PIK3C3: variants seen among roughly 807,000 people sequenced by gnomAD.
The protein encoded by PIK3C3 is PI3-kinase type 3.
PIK3C3 carries 95 observed loss-of-function variants against 126.1 expected under a neutral mutation model. The ratio of observed to expected loss-of-function variants is 0.75; its 90% CI spans 0.64 to 0.89. PIK3C3 has a LOEUF of 0.89. Among genes scored for constraint, PIK3C3 ranks in the 40% least tolerant of loss-of-function variants. The pLI is 0.00. For missense variants in PIK3C3, 829 were observed against 1,063.2 expected, an observed-to-expected ratio of 0.78 and a Z score of 3.06; for synonymous variants, 374 against 360.0, an observed-to-expected ratio of 1.04 and a Z score of -0.44.
chr18:41,982,956 G>T (rs1001418851), intron 4 of PIK3C3, among the ~76,000 whole-genome samples: 1 of 151,936 alleles, frequency 6.6e-6, no homozygotes, highest in Non-Finnish European at 1.5e-5. Flanking sequence ...ATTGATTTCA[G>T]CAGTCTTCTA....
At chr18:42,012,895 A>G (rs1479363126) in intron 10 of PIK3C3, among the ~76,000 whole-genome samples, 2 of 152,132 alleles carry the variant, frequency 1.3e-5, no homozygotes, top group Admixed American at 6.6e-5. Flanking sequence ...AAGCAATCCA[A>G]ATTCTCTAAA....
chr18:42,005,254 A>C (rs1982488194), intron 10 of PIK3C3, among the ~76,000 whole-genome samples: 1 of 152,212 alleles, frequency 6.6e-6, no homozygotes, highest in Non-Finnish European at 1.5e-5. Context: ...CCTAGGTTAC[A>C]AACCTGTATA....
At chr18:41,968,785 C>T (rs1038131330) in intron 3 of PIK3C3, among the ~76,000 whole-genome samples, 1 of 151,550 alleles carries the variant, frequency 6.6e-6, no homozygotes, top group Admixed American at 6.6e-5. Context: ...TTATGTAAAC[C>T]GTTAGCAGTT....
chr18:42,080,100 C>T, intron 24 of PIK3C3, among the ~76,000 whole-genome samples: 1 of 152,010 alleles, frequency 6.6e-6, no homozygotes, highest in East Asian at 1.9e-4. Context: ...GAATCTGAGA[C>T]ACTTCCTGGC....
intron 10 of PIK3C3, among the ~76,000 whole-genome samples, chr18:42,006,610 CA>C (rs1228952946): frequency 1.3e-5 from 2 of 151,728 alleles, no homozygotes; most frequent in Non-Finnish European, 2.9e-5. Context: ...TTAGGAATAA[CA>C]AAAAAAATTT....
chr18:42,084,822 T>C lies in PIK3C3; in HGVS notation c.*3685T>C, dbSNP rs1488504705. 2.0e-5 allele frequency: 3 copies of C among 152,206 alleles called. No homozygotes were observed. The highest frequency in any genetic ancestry group is 7.2e-5 in the African/African-American group (3 of 41,442). The allele number at this position is 152,206 out of a possible 1,614,324, so 9.4% of individuals were successfully genotyped here. On this transcript the variant is annotated 3_prime_UTR_variant, in exon 25 of 25. Coordinates refer to ENST00000262039, the MANE Select transcript of PIK3C3 (RefSeq NM_002647.4). ...CAATCCCCACTCCTGAGCAGCCAAA[T>C]CAATCTGCAGGTGGGCCTTGTGAGT...
At chr18:42,079,979 G>GTGTA (rs1555644075) in intron 24 of PIK3C3, among the ~76,000 whole-genome samples, 2 of 118,638 alleles carry the variant, frequency 1.7e-5, no homozygotes, top group Non-Finnish European at 3.8e-5. Context: ...GTGTGTGTGT[G>GTGTA]TGTGTATGTA....
intron 4 of PIK3C3, among the ~76,000 whole-genome samples, chr18:41,977,948 TTTTG>T (rs911833630): frequency 1.3e-5 from 2 of 152,076 alleles, no homozygotes; most frequent in South Asian, 2.1e-4. Context: ...TAGACCAATT[TTTTG>T]TTTGTTTTTG....
At chr18:42,037,495 C>T (rs996837841) in intron 16 of PIK3C3, among the ~76,000 whole-genome samples, 197 bp from the exon 17 acceptor site, 2 of 152,210 alleles carry the variant, frequency 1.3e-5, no homozygotes, top group Non-Finnish European at 2.9e-5. Flanking sequence ...CGCTTTCCAT[C>T]GTGTAGTCTT....
Position 42,054,126 on chromosome 18 carries a change from G to GTATATCTATATCTA in PIK3C3, c.2264-3752_2264-3751insCTATATCTATATAT, listed in dbSNP as rs1473971394. Reference sequence around the variant, plus strand: ...GTTCTCTAGAGGGACAGAACTAATGGTATATATATATATATATATATATAT... The same window carrying GTATATCTATATCTA: ...GTTCTCTAGAGGGACAGAACTAATGGTATATCTATATCTATATATATATATATATATATATATAT... On this transcript the variant is annotated intron_variant, in intron 21 of 24. Coordinates refer to ENST00000262039, the MANE Select transcript of PIK3C3 (RefSeq NM_002647.4). Among the ~76,000 whole-genome samples the GTATATCTATATCTA allele has an allele frequency of 2.9e-5, 2 of 69,652 alleles. 1 individual carries two copies. The highest frequency in any genetic ancestry group is 5.7e-5 in the Non-Finnish European group (2 of 35,322). 45.7% of individuals were successfully genotyped at this position (69,652 alleles called of 152,430 possible).
intron 17 of PIK3C3, among the ~76,000 whole-genome samples, chr18:42,038,146 A>G (rs1598919698): frequency 6.6e-6 from 1 of 152,108 alleles, no homozygotes; most frequent in East Asian, 1.9e-4. Context: ...TGTCCCTGGC[A>G]TTAAAAAGTA....
intron 10 of PIK3C3, among the ~76,000 whole-genome samples, chr18:42,011,751 C>T (rs994873388): frequency 6.6e-6 from 1 of 152,196 alleles, no homozygotes; most frequent in African/African-American, 2.4e-5. Flanking sequence ...CTTCACTAAG[C>T]TTAATCATTT....
intron 15 of PIK3C3, among the ~76,000 whole-genome samples, chr18:42,033,283 GAA>G (rs1243919514): frequency 6.6e-6 from 1 of 152,166 alleles, no homozygotes; most frequent in Non-Finnish European, 1.5e-5. Flanking sequence ...ATGAGCTGAA[GAA>G]AATGAATGAT....
rs1354144697 is a variant in PIK3C3 at position 42,085,000 on chromosome 18, G to A, written c.*3863G>A. On this transcript the variant is annotated 3_prime_UTR_variant, in exon 25 of 25. Transcript: ENST00000262039. Reference sequence around the variant, plus strand: ...GAAGATAAATTTGAGGCTCTGTTACGCTGGTCATCCAACCCAACCAGGTAT... The same window carrying A: ...GAAGATAAATTTGAGGCTCTGTTACACTGGTCATCCAACCCAACCAGGTAT... 4 of 152,200 alleles carry A rather than the reference G, an allele frequency of 2.6e-5. No individual in the cohort carries two copies. Among genetic ancestry groups the A allele is most frequent in the African/African-American group, 9.7e-5 (4 of 41,440 alleles). The allele number at this position is 152,200 out of a possible 1,614,324, so 9.4% of individuals were successfully genotyped here.
chr18:42,020,551 A>C, intron 12 of PIK3C3, 87 bp from the exon 13 acceptor site: 1 of 813,124 alleles, frequency 1.2e-6, no homozygotes, highest in South Asian at 1.7e-5. Flanking sequence ...TATACAGATG[A>C]AAACTGATAG....
chr18:41,999,884 AGTAAGGTAGGCT>A (rs1982200737), intron 9 of PIK3C3, among the ~76,000 whole-genome samples: 1 of 152,056 alleles, frequency 6.6e-6, no homozygotes. Context: ...GGAAAGCATG[AGTAAGGTAGGCT>A]GTTAGGTTCA....
chr18:42,005,440 A>G (rs915397964), intron 10 of PIK3C3, among the ~76,000 whole-genome samples: 3 of 152,218 alleles, frequency 2.0e-5, no homozygotes, highest in African/African-American at 4.8e-5. Flanking sequence ...TGTTCATGTA[A>G]GGCCATCAGG....
chr18:42,071,843 T>C (rs1985787752), intron 24 of PIK3C3, among the ~76,000 whole-genome samples: 3 of 152,186 alleles, frequency 2.0e-5, no homozygotes, highest in Admixed American at 2.0e-4. Context: ...AACTTAAAAA[T>C]GTTTGTGATA....
At chr18:41,996,097 C>G in intron 8 of PIK3C3, 103 bp downstream of exon 8, 1 of 745,742 alleles carries the variant, frequency 1.3e-6, no homozygotes, top group Non-Finnish European at 2.4e-6. Context: ...TGCACATTTT[C>G]TCCAGGTTGA....
Sources: gnomAD v4.1 joint callset for allele counts (sites outside exome capture counted in the v4.1 genomes callset) on GRCh38, gnomAD v4.1.1 for gene constraint, MANE v1.5 for transcripts, NCBI Gene and HGNC (gene_info 2026-07-23, HGNC 2026-07-21) for gene names.